The following KNTC1 variants were observed in gnomAD, a reference collection of about 807,000 sequenced individuals.
The protein encoded by KNTC1 is kinetochore associated 1, also known as kinetochore-associated protein 1.
In KNTC1, 253 loss-of-function variants were observed where a neutral mutation model predicts 314.4. The observed-to-expected ratio is 0.80, with a 90% confidence interval of 0.73 to 0.89. KNTC1 has a LOEUF of 0.89. Ranked by LOEUF, KNTC1 falls within the 40% of genes least tolerant of loss-of-function variation. KNTC1 has a pLI of 0.00. For synonymous variants in KNTC1, 901 were observed against 901.4 expected, an observed-to-expected ratio of 1.00 and a Z score of 0.01; for missense variants, 2,475 against 2,572.9, an observed-to-expected ratio of 0.96 and a Z score of 0.82.
rs1183514803 is a variant in KNTC1, at chr12:122,544,267, G to T, written c.667G>T (p.Gly223Trp). 5.4e-6 allele frequency: 8 copies of T among 1,485,910 alleles called. No homozygotes were observed. The highest frequency in any genetic ancestry group is 2.4e-5 in the East Asian group (1 of 42,032). The allele number at this position is 1,485,910 out of a possible 1,614,324, so 92.0% of individuals were successfully genotyped here. ...DLASEVPVIIGGTGNCAFSKW... is the reference protein window; with the variant it reads ...DLASEVPVIIWGTGNCAFSKW... ...AGCAAGTGAAGTTCCTGTGATAATT[G>T]GGGTAATTGTTTTTATAAAGTTTTG... The change falls in exon 8 of 64, where the codon GGG (glycine) becomes TGG (tryptophan). Residue 223 changes from glycine (G) to tryptophan (W), a missense_variant and splice_region_variant. By Grantham distance (184) the Gly-to-Trp change is radical (BLOSUM62 -2). Coordinates refer to ENST00000333479, the MANE Select transcript of KNTC1 (RefSeq NM_014708.6).
At chr12:122,567,235 AT>A (rs1964408665) in intron 20 of KNTC1, among the ~76,000 whole-genome samples, 2 of 151,512 alleles carry the variant, frequency 1.3e-5, no homozygotes, top group South Asian at 4.2e-4. Context: ...CACACCGGCT[AT>A]TTTTTGTATT....
chr12:122,534,634 G>T, intron 2 of KNTC1, 30 bp from the exon 3 acceptor site: 1 of 1,573,202 alleles, frequency 6.4e-7, no homozygotes. Context: ...AAAAATGTTT[G>T]AATTTTCATC....
intron 26 of KNTC1, 57 bp from the exon 27 acceptor site, chr12:122,574,225 A>G: frequency 9.8e-7 from 1 of 1,022,750 alleles, no homozygotes. Flanking sequence ...TGTATGTGGC[A>G]TTTTTTTAAT....
intron 3 of KNTC1, among the ~76,000 whole-genome samples, chr12:122,537,256 A>G (rs1961916248): frequency 6.6e-6 from 1 of 152,086 alleles, no homozygotes; most frequent in South Asian, 2.1e-4. Flanking sequence ...TCATTTGGCT[A>G]ACTTCCTCAC....
At position 122,569,729 on chromosome 12, in the gene KNTC1, A is replaced by C; in HGVS notation, c.1765A>C (p.Asn589His). ...FDVKMLESLL[N>H]SMSASVSLQK... ...TGTGAAAATGCTGGAGAGCTTGCTCAACTCAATGTCTGCATCAGTCTCTTT... is the reference window on the plus strand; with the variant it reads ...TGTGAAAATGCTGGAGAGCTTGCTCCACTCAATGTCTGCATCAGTCTCTTT... Residue 589 changes from asparagine to histidine, a missense_variant, in exon 22 of 64, where the codon AAC becomes CAC. Transcript: ENST00000333479. 6.2e-7 allele frequency: 1 copy of C among 1,613,724 alleles called. No individual in the cohort carries two copies. The highest frequency in any genetic ancestry group is 8.5e-7 in the Non-Finnish European group (1 of 1,179,704).
At chr12:122,583,712 C>T (rs1170870888) in intron 34 of KNTC1, among the ~76,000 whole-genome samples, 1 of 152,052 alleles carries the variant, frequency 6.6e-6, no homozygotes, top group East Asian at 1.9e-4. Context: ...TCTAATCCCA[C>T]CTACTCGGGA....
chr12:122,539,654 T>G, intron 4 of KNTC1, 22 bp from the exon 5 acceptor site: 1 of 1,465,602 alleles, frequency 6.8e-7, no homozygotes, highest in Non-Finnish European at 9.2e-7. Flanking sequence ...AATTTTATTA[T>G]TTGAAATTAA....
intron 51 of KNTC1, among the ~76,000 whole-genome samples, chr12:122,607,147 C>T (rs1367368059): frequency 1.3e-5 from 2 of 152,050 alleles, no homozygotes; most frequent in Non-Finnish European, 2.9e-5. Flanking sequence ...CACTGCAACC[C>T]CCACCTCCTG....
At chr12:122,530,936 T>C (rs572257246) in intron 2 of KNTC1, among the ~76,000 whole-genome samples, 1 of 152,350 alleles carries the variant, frequency 6.6e-6, no homozygotes, top group African/African-American at 2.4e-5. Flanking sequence ...AATTGCACCA[T>C]TCTTGCTTCA....
intron 32 of KNTC1, 84 bp downstream of exon 32, chr12:122,580,061 C>G (rs999731890): frequency 2.3e-6 from 2 of 859,898 alleles, no homozygotes; most frequent in Admixed American, 2.3e-5. Context: ...CAACTCTCAC[C>G]GTACCCGCAG....
chr12:122,612,420 CTTTTTT>C (rs754162815), intron 53 of KNTC1, among the ~76,000 whole-genome samples: 4 of 88,718 alleles, frequency 4.5e-5, no homozygotes, highest in African/African-American at 3.1e-5. Flanking sequence ...TTTTCTTTTT[CTTTTTT>C]TTTTTTTTGA....
intron 27 of KNTC1, among the ~76,000 whole-genome samples, chr12:122,574,703 T>C (rs1480542904): frequency 6.6e-6 from 1 of 152,226 alleles, no homozygotes; most frequent in East Asian, 1.9e-4. Flanking sequence ...CCTGCTTCAT[T>C]CTCCTAAAGT....
chr12:122,528,486 G>T (rs1365830076), intron 1 of KNTC1, among the ~76,000 whole-genome samples: 1 of 152,040 alleles, frequency 6.6e-6, no homozygotes, highest in Non-Finnish European at 1.5e-5. Context: ...TGAAGCAGAA[G>T]GATTGCTTGA....
At position 122,561,982 on chromosome 12, in the gene KNTC1, C is replaced by G; in HGVS notation, c.1542+8C>G. 1 of 1,594,940 alleles carries G rather than the reference C, an allele frequency of 6.3e-7. No individual in the cohort carries two copies. The highest frequency in any genetic ancestry group is 8.6e-7 in the Non-Finnish European group (1 of 1,167,390). On this transcript the variant is annotated splice_region_variant and intron_variant, in intron 19 of 63. Coordinates refer to ENST00000333479, the MANE Select transcript of KNTC1 (RefSeq NM_014708.6). ...TCTGATGGCTTGAAAGAGGTAATTA[C>G]ACTAGATTTCTAGGTTAATATGTGG...
chr12:122,547,887 A>G (rs1456084382), intron 11 of KNTC1, 28 bp from the exon 12 acceptor site: 1 of 1,348,108 alleles, frequency 7.4e-7, no homozygotes, highest in Admixed American at 2.8e-5. Flanking sequence ...GTTTACTTGA[A>G]TTATTTAAAG....
At chr12:122,608,883 C>A (rs1447350494) in intron 51 of KNTC1, among the ~76,000 whole-genome samples, 2 of 151,878 alleles carry the variant, frequency 1.3e-5, no homozygotes, top group African/African-American at 4.8e-5. Flanking sequence ...CATAGTGAGA[C>A]CCCCATCTCT....
chr12:122,529,382 G>A (rs1415797908), intron 1 of KNTC1, among the ~76,000 whole-genome samples: 1 of 151,994 alleles, frequency 6.6e-6, no homozygotes, highest in African/African-American at 2.4e-5. Context: ...TATCCTTAGT[G>A]TTCTTTTCCC....
Position 122,547,429 on chromosome 12 carries a change from A to G in KNTC1, c.831A>G (p.Leu277=), listed in dbSNP as rs890416530. The G allele has an allele frequency of 3.7e-6, 6 of 1,607,144 alleles. No homozygotes were observed. Among genetic ancestry groups the G allele is most frequent in the Non-Finnish European group, 5.1e-6 (6 of 1,174,052 alleles). ...FVLDTDNVLS[L]WDIYTLTPVW... ...CTCTATTGCAGAACGTGCTGAGTTT[A>G]TGGGATATTTACACTCTAACTCCTG... Residue 277 remains leucine, a synonymous_variant, in exon 11 of 64, where the codon TTA becomes TTG. Transcript: ENST00000333479.
chr12:122,580,617 A>G lies in KNTC1; in HGVS notation c.2929A>G (p.Lys977Glu). Residue 977 changes from lysine to glutamate, a missense_variant, in exon 33 of 64, where the codon AAG (lysine) becomes GAG (glutamate). Transcript: ENST00000333479. Reference sequence around the variant, plus strand: ...TTTAATTACAGACAATCTGCAGAAGAAGGACGAATGTGAAGAAATGTTGAA... The same window carrying G: ...TTTAATTACAGACAATCTGCAGAAGGAGGACGAATGTGAAGAAATGTTGAA... ...CDIQKDNLQK[K>E]DECEEMLKLF... 2 of 1,566,708 alleles carry G rather than the reference A, an allele frequency of 1.3e-6. No individual in the cohort carries two copies. Among genetic ancestry groups the G allele is most frequent in the Non-Finnish European group, 1.7e-6 (2 of 1,152,882 alleles).
Sources: allele counts gnomAD v4.1 joint callset (sites outside exome capture counted in the v4.1 genomes callset), GRCh38; gene constraint gnomAD v4.1.1; transcripts MANE v1.5; gene names NCBI Gene and HGNC (gene_info 2026-07-23, HGNC 2026-07-21).